The following BMAL2 variants were observed in gnomAD, a reference collection of about 807,000 sequenced individuals.
BMAL2 encodes the protein basic helix-loop-helix ARNT-like protein 2.
At chr12:27,389,998 C>T in the BMAL2 span, 1 of 1,445,090 alleles carries the variant, frequency 6.9e-7, no homozygotes, top group Non-Finnish European at 9.5e-7. Flanking sequence ...TGTTTCCTTT[C>T]TCAATAATAG....
At chr12:27,408,309 A>G in the BMAL2 span, among the ~76,000 whole-genome samples, 1 of 152,244 alleles carries the variant, frequency 6.6e-6, no homozygotes, top group African/African-American at 2.4e-5. Flanking sequence ...ATTTTAGACC[A>G]ATATCCCTGA....
chr12:27,381,587 C>T, the BMAL2 span, among the ~76,000 whole-genome samples: 2 of 152,154 alleles, frequency 1.3e-5, no homozygotes, highest in Non-Finnish European at 2.9e-5. Context: ...ATGATCCAGT[C>T]ACCTCCCACC....
At chr12:27,401,205 G>A in the BMAL2 span, 1 of 1,383,814 alleles carries the variant, frequency 7.2e-7, no homozygotes, top group Non-Finnish European at 1.0e-6. Flanking sequence ...ACAGTCTTCT[G>A]GGAGGGAGTA....
At chr12:27,409,756 A>C in the BMAL2 span, among the ~76,000 whole-genome samples, 1 of 151,822 alleles carries the variant, frequency 6.6e-6, no homozygotes, top group East Asian at 1.9e-4. Flanking sequence ...GATCTAATTA[A>C]ACTAAAGAGC....
chr12:27,333,273 C>G, the BMAL2 span: 1 of 652,106 alleles, frequency 1.5e-6, no homozygotes, highest in Non-Finnish European at 2.1e-6. Context: ...AAGGCCGCCC[C>G]GTGGGGCACA....
At chr12:27,391,441 G>A in the BMAL2 span, among the ~76,000 whole-genome samples, 1 of 151,896 alleles carries the variant, frequency 6.6e-6, no homozygotes, top group East Asian at 1.9e-4. Context: ...ATCCACCAGG[G>A]ATGGGCACCT....
the BMAL2 span, among the ~76,000 whole-genome samples, chr12:27,416,167 G>A: frequency 6.6e-6 from 1 of 152,154 alleles, no homozygotes; most frequent in African/African-American, 2.4e-5. Flanking sequence ...TTACTGGGAT[G>A]TAACCTCAGA....
At chr12:27,348,557 C>A in the BMAL2 span, among the ~76,000 whole-genome samples, 1 of 152,142 alleles carries the variant, frequency 6.6e-6, no homozygotes, top group Non-Finnish European at 1.5e-5. Flanking sequence ...ACTTCAAAAA[C>A]CACTCCTCAC....
chr12:27,403,416 CT>C, the BMAL2 span: 1 of 1,446,922 alleles, frequency 6.9e-7, no homozygotes, highest in Non-Finnish European at 9.7e-7. Flanking sequence ...TGAATTTCTC[CT>C]TTTGCTGTTA....
the BMAL2 span, chr12:27,377,441 A>G: frequency 1.3e-5 from 2 of 152,220 alleles, no homozygotes; most frequent in Admixed American, 6.5e-5. Flanking sequence ...CTCTCTCCAG[A>G]TCCTGGCTCA....
At chr12:27,398,390 A>C in the BMAL2 span, among the ~76,000 whole-genome samples, 2 of 152,208 alleles carry the variant, frequency 1.3e-5, no homozygotes, top group African/African-American at 2.4e-5. Context: ...AGCCGATGTA[A>C]GTAAATAGTT....
chr12:27,336,442 C>T, the BMAL2 span, among the ~76,000 whole-genome samples: 1 of 152,148 alleles, frequency 6.6e-6, no homozygotes, highest in Non-Finnish European at 1.5e-5. Flanking sequence ...GGAGCTAGGA[C>T]TGCAGGTGAG....
At chr12:27,387,551 T>A in the BMAL2 span, among the ~76,000 whole-genome samples, 7 of 152,312 alleles carry the variant, frequency 4.6e-5, no homozygotes, top group East Asian at 1.3e-3. Flanking sequence ...GAGCCTCAGC[T>A]TCTTCCTATG....
the BMAL2 span, chr12:27,390,504 A>C: frequency 2.4e-5 from 8 of 331,230 alleles, no homozygotes; most frequent in Non-Finnish European, 4.4e-5. Context: ...CAAGTGGGAA[A>C]AAAATGACAA....
At chr12:27,418,972 C>A in the BMAL2 span, among the ~76,000 whole-genome samples, 18 of 84,378 alleles carry the variant, frequency 2.1e-4, no homozygotes, top group East Asian at 3.3e-3. Context: ...GAACAAGACT[C>A]CATCTAAAAA....
At chr12:27,363,479 A>G in the BMAL2 span, among the ~76,000 whole-genome samples, 1 of 152,166 alleles carries the variant, frequency 6.6e-6, no homozygotes, top group East Asian at 1.9e-4. Flanking sequence ...CCTCACCAAC[A>G]CTTGATATCA....
chr12:27,378,454 G>A, the BMAL2 span, among the ~76,000 whole-genome samples: 1 of 152,204 alleles, frequency 6.6e-6, no homozygotes, highest in East Asian at 1.9e-4. Context: ...TAGTCAGAAA[G>A]GACTTTGTAA....
the BMAL2 span, among the ~76,000 whole-genome samples, chr12:27,360,008 G>A: frequency 1.6e-4 from 23 of 147,050 alleles, no homozygotes; most frequent in African/African-American, 5.5e-4. Flanking sequence ...AGCTGAGATT[G>A]TGCCGCTGCA....
At chr12:27,380,416 G>A in the BMAL2 span, 132 of 1,613,754 alleles carry the variant, frequency 8.2e-5, no homozygotes, top group Admixed American at 8.8e-4. Flanking sequence ...TGAGTTTGAC[G>A]ATGGCTTCCA....
Sources: gnomAD v4.1 joint callset for allele counts (sites outside exome capture counted in the v4.1 genomes callset) on GRCh38, gnomAD v4.1.1 for gene constraint, MANE v1.5 for transcripts, NCBI Gene and HGNC (gene_info 2026-07-23, HGNC 2026-07-21) for gene names.